Variants in ELMO2 observed in about 807,000 individuals in gnomAD.
ELMO2 encodes the protein engulfment and cell motility protein 2.
In ELMO2, 37 loss-of-function variants were observed where a neutral mutation model predicts 96.2. The observed-to-expected ratio is 0.38, with a 90% CI of 0.30 to 0.51. The LOEUF is 0.51. Among genes scored for constraint, ELMO2 ranks in the 20% least tolerant of loss-of-function variants. The pLI is 0.88. For synonymous variants in ELMO2, 315 were observed against 329.4 expected (o/e 0.96, Z 0.47); for missense variants, 561 against 912.6 (o/e 0.61, Z 4.96).
chr20:46,381,016 C>T (rs1444993033), intron 10 of ELMO2, among the ~76,000 whole-genome samples: 4 of 152,074 alleles, frequency 2.6e-5, no homozygotes, highest in African/African-American at 9.7e-5. Context: ...TTATTTTGAC[C>T]ATTCTTATGC....
rs116829468 is a variant in ELMO2 at position 46,373,307 on chromosome 20, G to A, written c.1416+92C>T. ...TTCTGCAGACCAAGCTGCTTTTCCA[G>A]CTCAGGGATTCTCCAGGTGCCAGCC... On this transcript the variant is annotated intron_variant, in intron 16 of 21. Transcript: ENST00000290246. 3.5e-4 allele frequency: 543 copies of A among 1,555,418 alleles called. 1 individual carries two copies. The African/African-American group carries it at 6.7e-3, about 19-fold the overall frequency.
chr20:46,390,406 T>C (rs888870634), intron 6 of ELMO2, among the ~76,000 whole-genome samples: 2 of 152,224 alleles, frequency 1.3e-5, no homozygotes, highest in African/African-American at 4.8e-5. Flanking sequence ...ATCCATATGA[T>C]TGTTCCTCAA....
At chr20:46,389,510 G>GT (rs1182619996) in intron 6 of ELMO2, among the ~76,000 whole-genome samples, 1 of 152,142 alleles carries the variant, frequency 6.6e-6, no homozygotes, top group Non-Finnish European at 1.5e-5. Context: ...ACTAACGATG[G>GT]TAAGTCACAG....
intron 9 of ELMO2, among the ~76,000 whole-genome samples, chr20:46,385,901 T>G (rs1389096856): frequency 6.6e-6 from 1 of 152,106 alleles, no homozygotes; most frequent in African/African-American, 2.4e-5. Context: ...CATTTTAACC[T>G]AAGGGGCAGA....
chr20:46,390,116 G>A (rs185210613), intron 6 of ELMO2, among the ~76,000 whole-genome samples: 1 of 152,056 alleles, frequency 6.6e-6, no homozygotes, highest in African/African-American at 2.4e-5. Context: ...TCATGCCACT[G>A]CACTCCAGCC....
Position 46,371,583 on chromosome 20 carries a change from C to A in ELMO2, c.1689G>T (p.Arg563Ser). 1 of 1,602,708 alleles carries A rather than the reference C, an allele frequency of 6.2e-7. No individual in the cohort carries two copies. Among genetic ancestry groups the A allele is most frequent in the Non-Finnish European group, 8.5e-7 (1 of 1,174,932 alleles). The change falls in exon 18 of 22, where the codon AGG (arginine) becomes AGT (serine). Residue 563 changes from arginine to serine, a missense_variant. By Grantham distance (110) the Arg-to-Ser change is moderately radical. Coordinates refer to ENST00000290246, the MANE Select transcript of ELMO2 (RefSeq NM_133171.5). The surrounding 1 kb of genome is among the most constrained non-coding windows in gnomAD (Gnocchi z 5.9). Reference protein sequence around the residue: ...SSFRKIGNRRRQERFWYCRLA... With the variant: ...SSFRKIGNRRSQERFWYCRLA... ...GATTGCCCCGTCTCCTCTCACCTTGCCTTCGGCGGTTCCCAATCTTTCGGA... is the reference window on the plus strand; with the variant it reads ...GATTGCCCCGTCTCCTCTCACCTTGACTTCGGCGGTTCCCAATCTTTCGGA...
chr20:46,392,994 T>C (rs1221683917), intron 6 of ELMO2, 99 bp downstream of exon 6: 2 of 1,060,196 alleles, frequency 1.9e-6, no homozygotes, highest in Non-Finnish European at 1.4e-6. Context: ...GACTTTCTTA[T>C]CTCCAGAGTA....
At chr20:46,393,470 C>A in intron 5 of ELMO2, 59 bp downstream of exon 5, 1 of 1,571,160 alleles carries the variant, frequency 6.4e-7, no homozygotes, top group Admixed American at 1.7e-5. Context: ...AGTGCCGTCT[C>A]CTTGGGTCGT....
chr20:46,380,829 TAGAGAA>T (rs2059943275), intron 10 of ELMO2, among the ~76,000 whole-genome samples: 1 of 152,214 alleles, frequency 6.6e-6, no homozygotes, highest in Non-Finnish European at 1.5e-5. Flanking sequence ...CTAACTGGCT[TAGAGAA>T]CAATGAGTCT....
At chr20:46,380,771 G>A (rs936075740) in intron 10 of ELMO2, among the ~76,000 whole-genome samples, 7 of 152,178 alleles carry the variant, frequency 4.6e-5, no homozygotes, top group Non-Finnish European at 7.3e-5. Flanking sequence ...TACAGCAGAC[G>A]GCTGGGGTCT....
chr20:46,387,259 A>C, intron 8 of ELMO2, 79 bp downstream of exon 8: 1 of 1,239,626 alleles, frequency 8.1e-7, no homozygotes, highest in South Asian at 1.3e-5. Flanking sequence ...CAGAATGGCG[A>C]TATTGCCTGT....
intron 1 of ELMO2, among the ~76,000 whole-genome samples, chr20:46,401,670 G>A (rs1266173070): frequency 1.3e-5 from 2 of 152,144 alleles, no homozygotes; most frequent in Non-Finnish European, 2.9e-5. Flanking sequence ...CGCTTTTGCA[G>A]ATGCCATGTT....
intron 9 of ELMO2, among the ~76,000 whole-genome samples, chr20:46,384,264 A>G (rs1297659088): frequency 6.6e-6 from 1 of 152,226 alleles, no homozygotes; most frequent in Non-Finnish European, 1.5e-5. Context: ...AACAAACAAA[A>G]TAACTACAAT....
intron 10 of ELMO2, among the ~76,000 whole-genome samples, chr20:46,381,567 C>T (rs2059956695): frequency 6.6e-6 from 1 of 152,166 alleles, no homozygotes. Flanking sequence ...CTAGAAACTT[C>T]TCTGGTAACT....
chr20:46,394,046 T>C lies in ELMO2; in HGVS notation c.119+3A>G. 1 of 1,614,074 alleles carries C rather than the reference T, an allele frequency of 6.2e-7. No homozygotes were observed. The highest frequency in any genetic ancestry group is 8.5e-7 in the Non-Finnish European group (1 of 1,180,004). On this transcript the variant is annotated splice_donor_region_variant and intron_variant, in intron 4 of 21. Transcript: ENST00000290246. ...GTTGAAAACGAGGTCCATTTCAACC[T>C]ACCCATCACAAACTTCCTTGATAAT...
chr20:46,367,272 AC>A lies in ELMO2; in HGVS notation c.*87del. 7.8e-7 allele frequency: 1 copy of A among 1,274,792 alleles called. No individual in the cohort carries two copies. Among genetic ancestry groups the A allele is most frequent in the South Asian group, 1.6e-5 (1 of 60,924 alleles). The allele number at this position is 1,274,792 out of a possible 1,614,324, so 79.0% of individuals were successfully genotyped here. On this transcript the variant is annotated 3_prime_UTR_variant, in exon 22 of 22. Transcript: ENST00000290246. ...CCACCAAAATCACTACAGATTCTGTACAAGCAAAAGACAAGGCACCAGAATG... is the reference window on the plus strand; with the variant it reads ...CCACCAAAATCACTACAGATTCTGTAAAGCAAAAGACAAGGCACCAGAATG...
At chr20:46,377,048 C>G (rs146795263) in intron 11 of ELMO2, 1 of 284,788 alleles carries the variant, frequency 3.5e-6, no homozygotes, top group South Asian at 3.2e-5. Context: ...AGAGAGGTAT[C>G]TGACTCAGTA....
intron 2 of ELMO2, among the ~76,000 whole-genome samples, chr20:46,395,008 T>C (rs1176391954): frequency 6.6e-6 from 1 of 152,132 alleles, no homozygotes; most frequent in Non-Finnish European, 1.5e-5. Flanking sequence ...TCTTGCTTCC[T>C]CCCCACTCAT....
intron 3 of ELMO2, 82 bp from the exon 4 acceptor site, chr20:46,394,171 G>C: frequency 7.6e-7 from 1 of 1,313,030 alleles, no homozygotes; most frequent in Non-Finnish European, 1.1e-6. Flanking sequence ...TGCCAAGCAG[G>C]GTCAAGCTGG....
Sources: allele counts gnomAD v4.1 joint callset (sites outside exome capture counted in the v4.1 genomes callset), GRCh38; gene constraint gnomAD v4.1.1; non-coding constraint Gnocchi (gnomAD v3.1); transcripts MANE v1.5; gene names NCBI Gene and HGNC (gene_info 2026-07-23, HGNC 2026-07-21).